COA1: variants seen among roughly 807,000 people sequenced by gnomAD.
The protein encoded by COA1 is cytochrome c oxidase assembly factor 1 homolog.
In COA1, 13 loss-of-function variants were observed where a neutral mutation model predicts 16.0. The ratio of observed to expected loss-of-function variants is 0.81; its 90% CI spans 0.53 to 1.29. COA1 has a LOEUF of 1.29. Ranked by LOEUF, COA1 falls within the 50% of genes most tolerant of loss-of-function variation. The probability of loss-of-function intolerance (pLI) is 0.00; values close to 1 mark genes in which losing one functional copy is unlikely to be tolerated. For synonymous variants in COA1, 65 were observed against 65.7 expected (o/e 0.99, Z 0.05); for missense variants, 179 against 177.0 (o/e 1.01, Z -0.06).
In COA1 at chr7:43,644,782, G is replaced by A. The variant is rs1156818269; in HGVS notation, c.264+469C>T. 4.7e-3 allele frequency among the ~76,000 whole-genome samples: 294 copies of A among 63,074 alleles called. 2 individuals carry two copies. The highest frequency in any genetic ancestry group is 6.1e-3 in the African/African-American group (99 of 16,308). 41.4% of individuals were successfully genotyped at this position (63,074 alleles called of 152,430 possible). On this transcript the variant is annotated intron_variant, in intron 4 of 5. Coordinates refer to ENST00000223336, the MANE Select transcript of COA1 (RefSeq NM_018224.4). ...GATAGGCAGGCAGGCAGGCAGGCAG[G>A]CAGGCAGGCAGAGAGACAGAGAGAG...
chr7:43,659,298 AAC>A (rs2092179152), intron 1 of COA1, among the ~76,000 whole-genome samples: 3 of 152,240 alleles, frequency 2.0e-5, no homozygotes, highest in Non-Finnish European at 4.4e-5. Context: ...CCTTACAAAA[AAC>A]TTGAGCATTG....
chr7:43,610,296 G>A (rs1052351214), intron 6 of COA1, among the ~76,000 whole-genome samples: 7 of 139,588 alleles, frequency 5.0e-5, no homozygotes, highest in Non-Finnish European at 9.0e-5. Context: ...GCAGTGAGCC[G>A]AGATCGTGCC....
chr7:43,608,608 T>C, exon 7 of COA1: 2 of 439,434 alleles, frequency 4.6e-6, no homozygotes, highest in Non-Finnish European at 3.9e-6. Flanking sequence ...TACAAAATAA[T>C]ACAATGCCAA....
intron 1 of COA1, among the ~76,000 whole-genome samples, chr7:43,672,808 A>T (rs1017688914): frequency 3.3e-5 from 5 of 151,920 alleles, no homozygotes; most frequent in African/African-American, 1.2e-4. Context: ...GACAGAAAGA[A>T]GGAAACAGAC....
At chr7:43,647,482 G>C (rs1373813002) in intron 3 of COA1, 53 bp downstream of exon 3, 3 of 1,147,748 alleles carry the variant, frequency 2.6e-6, no homozygotes, top group Non-Finnish European at 4.0e-6. Flanking sequence ...TGATGGAGGA[G>C]CAGGAGCAGG....
chr7:43,705,029 G>A (rs1328067653), intron 1 of COA1, among the ~76,000 whole-genome samples: 1 of 152,130 alleles, frequency 6.6e-6, no homozygotes, highest in African/African-American at 2.4e-5. Flanking sequence ...TATTTGTTTG[G>A]TTTAGTCAAC....
intron 1 of COA1, among the ~76,000 whole-genome samples, chr7:43,686,111 CAAA>C (rs945052198): frequency 2.0e-5 from 3 of 152,154 alleles, no homozygotes; most frequent in Non-Finnish European, 4.4e-5. Context: ...TTTTAAAAAA[CAAA>C]AACTGCTTTA....
At chr7:43,637,283 C>A (rs1043430935), downstream of COA1, among the ~76,000 whole-genome samples, 1 of 152,138 alleles carries the variant, frequency 6.6e-6, no homozygotes, top group Non-Finnish European at 1.5e-5. Flanking sequence ...AGCACACTAG[C>A]TGGTAAGGAA....
chr7:43,684,874 T>C (rs539840510), intron 1 of COA1, among the ~76,000 whole-genome samples: 11 of 152,192 alleles, frequency 7.2e-5, no homozygotes, highest in Non-Finnish European at 1.3e-4. Context: ...CAGACTGAGC[T>C]CTGAAGAAAC....
chr7:43,663,359 A>G (rs989149016), intron 1 of COA1, among the ~76,000 whole-genome samples: 4 of 152,206 alleles, frequency 2.6e-5, no homozygotes, highest in African/African-American at 9.7e-5. Context: ...TCATAGCAAA[A>G]TAAAAACAGC....
chr7:43,686,585 C>A (rs76578009), intron 1 of COA1, among the ~76,000 whole-genome samples: 1 of 152,168 alleles, frequency 6.6e-6, no homozygotes, highest in Non-Finnish European at 1.5e-5. Flanking sequence ...TGAGCCACCG[C>A]GCCCGGCCGG....
chr7:43,620,743 T>G (rs555649021), intron 6 of COA1, among the ~76,000 whole-genome samples: 3 of 152,122 alleles, frequency 2.0e-5, no homozygotes, highest in Admixed American at 6.5e-5. Flanking sequence ...TTATGAGGCC[T>G]TGGATATAAG....
At chr7:43,622,261 C>T (rs941458217) in intron 6 of COA1, 2 of 152,112 alleles carry the variant, frequency 1.3e-5, no homozygotes. Context: ...TTAACATTCA[C>T]AACCTCTGTT....
chr7:43,659,599 G>GA (rs953817635), intron 1 of COA1, among the ~76,000 whole-genome samples: 1 of 151,950 alleles, frequency 6.6e-6, no homozygotes, highest in African/African-American at 2.4e-5. Flanking sequence ...CTCCATTTTA[G>GA]AAAAAAACAT....
chr7:43,638,034 A>G (rs548866786), downstream of COA1, among the ~76,000 whole-genome samples: 1 of 152,294 alleles, frequency 6.6e-6, no homozygotes, highest in Admixed American at 6.5e-5. Flanking sequence ...GTGCTCTGCC[A>G]TTTATTTTAA....
intron 1 of COA1, among the ~76,000 whole-genome samples, chr7:43,658,463 G>A (rs770398877): frequency 6.6e-6 from 1 of 152,058 alleles, no homozygotes; most frequent in Non-Finnish European, 1.5e-5. Context: ...ATAAACACCT[G>A]ATAAAACATA....
At chr7:43,638,094 C>T (rs1351404991), downstream of COA1, among the ~76,000 whole-genome samples, 2 of 152,190 alleles carry the variant, frequency 1.3e-5, no homozygotes, top group African/African-American at 4.8e-5. Context: ...CAAAAGTGCT[C>T]TCAGGGAGAC....
At chr7:43,608,895 G>A (rs916346382) in exon 7 of COA1, 3 of 152,398 alleles carry the variant, frequency 2.0e-5, no homozygotes, top group Non-Finnish European at 4.4e-5. Flanking sequence ...CAGTGTTTTG[G>A]AAAATAGGCA....
chr7:43,707,487 T>C (rs2095037431), intron 1 of COA1, among the ~76,000 whole-genome samples: 1 of 152,186 alleles, frequency 6.6e-6, no homozygotes, highest in Non-Finnish European at 1.5e-5. Context: ...GGACTGCCAG[T>C]AGCCCATTGG....
Sources: allele counts gnomAD v4.1 joint callset (sites outside exome capture counted in the v4.1 genomes callset), GRCh38; gene constraint gnomAD v4.1.1; transcripts MANE v1.5; gene names NCBI Gene and HGNC (gene_info 2026-07-23, HGNC 2026-07-21).